KLHL2: variants seen among roughly 807,000 people sequenced by gnomAD.
KLHL2 encodes the protein kelch-like protein 2.
KLHL2 carries 15 observed loss-of-function variants against 75.8 expected under a neutral mutation model. The ratio of observed to expected loss-of-function variants is 0.20; its 90% CI spans 0.13 to 0.30. The LOEUF (loss-of-function observed/expected upper bound fraction) is 0.30. Ranked by LOEUF, KLHL2 falls within the 10% of genes least tolerant of loss-of-function variation. KLHL2 has a pLI of 1.00. For missense variants in KLHL2, 381 were observed against 741.0 expected (o/e 0.51, Z 5.64); for synonymous variants, 214 against 251.9 (o/e 0.85, Z 1.42).
intron 5 of KLHL2, among the ~76,000 whole-genome samples, chr4:165,282,163 G>A (rs942772326): frequency 6.6e-6 from 1 of 152,218 alleles, no homozygotes; most frequent in African/African-American, 2.4e-5. Context: ...CTGAGTATAA[G>A]TAGAGGAAAC....
At chr4:165,222,432 C>A (rs1738071522) in intron 2 of KLHL2, among the ~76,000 whole-genome samples, 1 of 152,024 alleles carries the variant, frequency 6.6e-6, no homozygotes, top group Admixed American at 6.6e-5. Flanking sequence ...CCTTCTTGTT[C>A]TTTGTGTGGC....
intron 2 of KLHL2, among the ~76,000 whole-genome samples, chr4:165,226,897 G>T (rs556584544): frequency 1.6e-3 from 236 of 152,150 alleles, no homozygotes; most frequent in Admixed American, 3.0e-3. Flanking sequence ...TTTAACCTTG[G>T]TTTCCCCAGC....
intron 1 of KLHL2, among the ~76,000 whole-genome samples, chr4:165,215,009 C>T (rs980961808): frequency 2.0e-5 from 3 of 151,984 alleles, no homozygotes; most frequent in South Asian, 2.1e-4. Flanking sequence ...CAAGTTCTTA[C>T]ATGTCTATAG....
chr4:165,238,890 A>G lies in KLHL2; in HGVS notation c.372A>G (p.Glu124=). 6.2e-7 allele frequency: 1 copy of G among 1,613,806 alleles called. No individual in the cohort carries two copies. The highest frequency in any genetic ancestry group is 1.1e-5 in the South Asian group (1 of 91,002). Reference sequence around the variant, plus strand: ...CTGCAGAAATTCAGGTTACAGAAGAAAATGTACAGGTAAGAGTAAACACTT... The same window carrying G: ...CTGCAGAAATTCAGGTTACAGAAGAGAATGTACAGGTAAGAGTAAACACTT... ...VYTAEIQVTE[E]NVQVLLPAAG... The change falls in exon 4 of 15, where the codon GAA becomes GAG. Residue 124 remains glutamate (E), a synonymous_variant. Transcript: ENST00000226725.
intron 7 of KLHL2, among the ~76,000 whole-genome samples, chr4:165,298,671 A>G (rs1458089652): frequency 3.9e-5 from 6 of 151,952 alleles, no homozygotes; most frequent in African/African-American, 1.4e-4. Context: ...GGGTGCGGTC[A>G]GTGGCTCACG....
chr4:165,284,477 G>C (rs978725251), intron 5 of KLHL2, among the ~76,000 whole-genome samples: 1 of 152,100 alleles, frequency 6.6e-6, no homozygotes, highest in African/African-American at 2.4e-5. Context: ...AGTCACCTTT[G>C]CTTCATTTCC....
chr4:165,308,827 C>T (rs548230769), intron 9 of KLHL2, among the ~76,000 whole-genome samples: 5 of 152,214 alleles, frequency 3.3e-5, no homozygotes, highest in South Asian at 2.1e-4. Flanking sequence ...TTGCTGCTCA[C>T]GAGTCTCCAG....
At chr4:165,211,445 C>G (rs1472188358) in intron 1 of KLHL2, among the ~76,000 whole-genome samples, 1 of 152,206 alleles carries the variant, frequency 6.6e-6, no homozygotes, top group Non-Finnish European at 1.5e-5. Context: ...CATTTGCAGT[C>G]CGCTGGACCG....
At chr4:165,269,626 A>G (rs1311624091) in intron 5 of KLHL2, among the ~76,000 whole-genome samples, 4 of 149,928 alleles carry the variant, frequency 2.7e-5, no homozygotes, top group African/African-American at 7.3e-5. Context: ...TTCTTTAAGA[A>G]TGTCGAATAT....
intron 5 of KLHL2, among the ~76,000 whole-genome samples, chr4:165,274,405 C>T (rs1742918874): frequency 6.6e-6 from 1 of 151,950 alleles, no homozygotes; most frequent in Non-Finnish European, 1.5e-5. Context: ...GTCATGAGAT[C>T]GAGACCATCC....
rs757374576 is a variant in KLHL2, at chr4:165,238,849, A to G, written c.331A>G (p.Ile111Val). 6.2e-7 allele frequency: 1 copy of G among 1,614,158 alleles called. No homozygotes were observed. The highest frequency in any genetic ancestry group is 1.1e-5 in the South Asian group (1 of 91,082). The change falls in exon 4 of 15, where the codon ATT (isoleucine) becomes GTT (valine). Residue 111 changes from isoleucine (I) to valine (V), a missense_variant. Ile to Val is a conservative substitution (Grantham distance 29, BLOSUM62 3). Coordinates refer to ENST00000226725, the MANE Select transcript of KLHL2 (RefSeq NM_007246.4). ...EVDGWTLRML[I>V]DYVYTAEIQV... ...AGATGGCTGGACCCTGAGGATGCTA[A>G]TTGATTATGTTTACACTGCAGAAAT...
chr4:165,253,030 T>A (rs1190239039), intron 4 of KLHL2, among the ~76,000 whole-genome samples: 1 of 152,154 alleles, frequency 6.6e-6, no homozygotes, highest in Non-Finnish European at 1.5e-5. Flanking sequence ...CCTGTATACT[T>A]TTTTATTTTT....
chr4:165,250,907 C>T lies in KLHL2; in HGVS notation c.381+12008C>T, dbSNP rs368646937. ...TGCATTTGAGTTGGCATGGAGACCA[C>T]ACTCGGGTGATTGTAGTACCATGCT... On this transcript the variant is annotated intron_variant, in intron 4 of 14. Transcript: ENST00000226725. Among the ~76,000 whole-genome samples, 56 of 152,266 alleles carry T rather than the reference C, an allele frequency of 3.7e-4. 1 individual carries two copies. Among genetic ancestry groups the T allele is most frequent in the African/African-American group, 1.3e-3 (53 of 41,556 alleles).
intron 5 of KLHL2, among the ~76,000 whole-genome samples, chr4:165,284,969 T>C (rs1743974900): frequency 6.6e-6 from 1 of 152,160 alleles, no homozygotes; most frequent in Non-Finnish European, 1.5e-5. Flanking sequence ...TTCACTATCA[T>C]GAGAACAGCA....
At position 165,310,476 on chromosome 4, in the gene KLHL2, T is replaced by A; in HGVS notation, c.1040-77T>A. 2.4e-6 allele frequency: 3 copies of A among 1,230,254 alleles called. No individual in the cohort carries two copies. The African/African-American group carries it at 4.4e-5, about 18-fold the overall frequency. The allele number at this position is 1,230,254 out of a possible 1,614,324, so 76.2% of individuals were successfully genotyped here. On this transcript the variant is annotated intron_variant, in intron 9 of 14. Coordinates refer to ENST00000226725, the MANE Select transcript of KLHL2 (RefSeq NM_007246.4). ...GCATGTTCTGACAACAGCTATAGAT[T>A]TATCAGAAAGCAATCTTTGGATATT...
intron 5 of KLHL2, among the ~76,000 whole-genome samples, chr4:165,282,351 C>A (rs566372403): frequency 2.6e-5 from 4 of 152,284 alleles, no homozygotes; most frequent in Admixed American, 1.3e-4. Context: ...AAGAATTTTT[C>A]ACTTTGGCTG....
intron 5 of KLHL2, among the ~76,000 whole-genome samples, chr4:165,289,200 T>C (rs534129796): frequency 2.4e-4 from 36 of 152,312 alleles, no homozygotes; most frequent in African/African-American, 8.4e-4. Context: ...ATACAGTTAA[T>C]ATAAATAGAA....
rs1414504340 is a variant in KLHL2, at chr4:165,210,255, G to A, written c.26+2353G>A. ...GTCTCTGCCTGGCACTGTGCGTGGT[G>A]CTTTTGCTTGTGTTCTCTTTTAACA... On this transcript the variant is annotated intron_variant, in intron 1 of 14. Coordinates refer to ENST00000226725, the MANE Select transcript of KLHL2 (RefSeq NM_007246.4). 5.1e-6 allele frequency: 7 copies of A among 1,378,880 alleles called. No homozygotes were observed. In the East Asian group the frequency reaches 7.5e-5, roughly 15 times the overall value. The allele number at this position is 1,378,880 out of a possible 1,614,324, so 85.4% of individuals were successfully genotyped here.
At chr4:165,235,353 A>C (rs1285634594) in intron 3 of KLHL2, among the ~76,000 whole-genome samples, 1 of 152,140 alleles carries the variant, frequency 6.6e-6, no homozygotes, top group Non-Finnish European at 1.5e-5. Context: ...GGCATGTACC[A>C]GCATGCCTGG....
Sources: allele counts gnomAD v4.1 joint callset (sites outside exome capture counted in the v4.1 genomes callset), GRCh38; gene constraint gnomAD v4.1.1; transcripts MANE v1.5; gene names NCBI Gene and HGNC (gene_info 2026-07-23, HGNC 2026-07-21).